Variants in BTG3 observed in about 807,000 individuals in gnomAD.
BTG3 encodes BTG anti-proliferation factor 3.
In BTG3, 4 loss-of-function variants were observed where a neutral mutation model predicts 25.8. The observed-to-expected ratio is 0.16, with a 90% CI of 0.08 to 0.36. The LOEUF is 0.36. BTG3 is among the 10% of genes least tolerant of loss of function. The probability of loss-of-function intolerance (pLI) is 1.00; values close to 1 mark genes in which losing one functional copy is unlikely to be tolerated. For missense variants in BTG3, 201 were observed against 304.9 expected (o/e 0.66, Z 2.54); for synonymous variants, 107 against 99.9 (o/e 1.07, Z -0.42).
In BTG3 at chr21:17,610,603, G is replaced by C. The variant is rs574987654; in HGVS notation, c.-8-1451C>G. Among the ~76,000 whole-genome samples the C allele has an allele frequency of 4.6e-5, 7 of 152,292 alleles. No individual in the cohort carries two copies. In the South Asian group the frequency reaches 1.5e-3, roughly 32 times the overall value. ...GATTAATCCTTAAGGGCAAACCCTT[G>C]TCCTAAGATTGTTTTGATGTATGTT... On this transcript the variant is annotated intron_variant, in intron 1 of 4. Coordinates refer to ENST00000348354, the MANE Select transcript of BTG3 (RefSeq NM_006806.5).
At chr21:17,608,923 C>A in intron 2 of BTG3, 49 bp downstream of exon 2, 2 of 1,563,270 alleles carry the variant, frequency 1.3e-6, no homozygotes, top group Non-Finnish European at 1.7e-6. Context: ...GGCCTTGAAC[C>A]CACCTCAGGG....
chr21:17,609,132 T>C lies in BTG3; in HGVS notation c.13A>G (p.Ile5Val). The C allele has an allele frequency of 6.2e-7, 1 of 1,604,924 alleles. No homozygotes were observed. Among genetic ancestry groups the C allele is most frequent in the Non-Finnish European group, 8.5e-7 (1 of 1,177,878 alleles). Reference protein sequence around the residue: MKNEIAAVVFFFTRL... With the variant: MKNEVAAVVFFFTRL... ...GTGAAAAAGAAGACAACGGCAGCAA[T>C]TTCATTCTTCATTTTTTTCCCTGCA... Residue 5 changes from isoleucine to valine, a missense_variant, in exon 2 of 5, where the codon ATT becomes GTT. This residue lies in a region of BTG3 where 70 missense variants were observed against 175.7 expected (regional missense o/e 0.40). Transcript: ENST00000348354.
chr21:17,594,811 A>G (rs142426334), intron 4 of BTG3, among the ~76,000 whole-genome samples: 2 of 152,066 alleles, frequency 1.3e-5, no homozygotes, highest in Non-Finnish European at 2.9e-5. Context: ...TATGAACACA[A>G]AGAAGGAAAC....
chr21:17,601,695 G>A (rs930198050), intron 3 of BTG3, among the ~76,000 whole-genome samples: 4 of 152,086 alleles, frequency 2.6e-5, no homozygotes, highest in African/African-American at 7.2e-5. Flanking sequence ...GACAATCAAG[G>A]GTTAATTCAT....
chr21:17,599,559 T>C (rs6517780), intron 3 of BTG3, among the ~76,000 whole-genome samples: 78,664 of 149,846 alleles, frequency 0.52, 22,923 homozygotes, highest in African/African-American at 0.8. Flanking sequence ...CCCACTACAA[T>C]CTCCACCTCC....
chr21:17,603,325 G>C (rs1013707230), intron 3 of BTG3, among the ~76,000 whole-genome samples: 3 of 152,124 alleles, frequency 2.0e-5, no homozygotes, highest in African/African-American at 7.2e-5. Flanking sequence ...CTAAATTTGA[G>C]ATAGCTTGCT....
At chr21:17,600,999 T>C (rs1377259298) in intron 3 of BTG3, among the ~76,000 whole-genome samples, 1 of 152,006 alleles carries the variant, frequency 6.6e-6, no homozygotes, top group Non-Finnish European at 1.5e-5. Flanking sequence ...CTGTCTCTAC[T>C]AAAAATACAA....
At chr21:17,602,932 T>C (rs2061592593) in intron 3 of BTG3, among the ~76,000 whole-genome samples, 1 of 152,228 alleles carries the variant, frequency 6.6e-6, no homozygotes. Flanking sequence ...AGGATCATTA[T>C]ATTGAACGTA....
At chr21:17,606,658 T>G (rs963655785) in intron 2 of BTG3, among the ~76,000 whole-genome samples, 2 of 152,160 alleles carry the variant, frequency 1.3e-5, no homozygotes, top group Non-Finnish European at 2.9e-5. Context: ...CAACAAAATC[T>G]GCATACCTTA....
At chr21:17,598,039 C>T (rs1044889365) in intron 4 of BTG3, among the ~76,000 whole-genome samples, 1 of 152,112 alleles carries the variant, frequency 6.6e-6, no homozygotes, top group East Asian at 1.9e-4. Context: ...TTGAAGAATG[C>T]TGTTTGGTCA....
chr21:17,603,560 T>C (rs2061600468), intron 3 of BTG3, among the ~76,000 whole-genome samples: 2 of 152,198 alleles, frequency 1.3e-5, no homozygotes, highest in Admixed American at 6.5e-5. Context: ...GCGACCACCT[T>C]AGGAGTACAT....
intron 4 of BTG3, among the ~76,000 whole-genome samples, chr21:17,598,086 G>A (rs2061526366): frequency 6.6e-6 from 1 of 152,162 alleles, no homozygotes; most frequent in African/African-American, 2.4e-5. Flanking sequence ...TCTTTGGTAT[G>A]TAGATATAAA....
intron 2 of BTG3, 132 bp from the exon 3 acceptor site, chr21:17,605,129 A>ATT (rs1569184984): frequency 9.8e-7 from 1 of 1,025,276 alleles, no homozygotes; most frequent in African/African-American, 1.6e-5. Flanking sequence ...ACCTAGGAGC[A>ATT]TATCTATCCT....
chr21:17,601,864 A>G (rs140136580), intron 3 of BTG3, among the ~76,000 whole-genome samples: 1 of 152,204 alleles, frequency 6.6e-6, no homozygotes, highest in Non-Finnish European at 1.5e-5. Context: ...TGATTGAAGG[A>G]TCAGCATTAT....
chr21:17,608,899 C>G (rs1218396735), intron 2 of BTG3, 73 bp downstream of exon 2: 2 of 1,449,308 alleles, frequency 1.4e-6, no homozygotes, highest in South Asian at 2.7e-5. Context: ...GGTCTGCACA[C>G]CCTTCAATCA....
At chr21:17,610,880 A>T (rs548703612) in intron 1 of BTG3, among the ~76,000 whole-genome samples, 1 of 152,302 alleles carries the variant, frequency 6.6e-6, no homozygotes, top group East Asian at 1.9e-4. Flanking sequence ...TGACTCCTTT[A>T]TTCCAAGTGC....
At position 17,609,097 on chromosome 21, in the gene BTG3, A is replaced by T. The variant is rs1438055875; in HGVS notation, c.48T>A (p.Val16=). 33 of 1,613,930 alleles carry T rather than the reference A, an allele frequency of 2.0e-5. No homozygotes were observed. The highest frequency in any genetic ancestry group is 2.7e-5 in the Non-Finnish European group (32 of 1,180,006). Residue 16 remains valine (V), a synonymous_variant, in exon 2 of 5, where the codon GTT becomes GTA. Coordinates refer to ENST00000348354, the MANE Select transcript of BTG3 (RefSeq NM_006806.5). The part of the protein sequence containing the change: ...AAVVFFFTRL[V]RKHDKLKKEA... The stretch of plus-strand genomic sequence containing the variant: ...CTTTTTTCAACTTATCATGTTTTCG[A>T]ACTAGCCTTGTGAAAAAGAAGACAA...
intron 3 of BTG3, among the ~76,000 whole-genome samples, chr21:17,599,706 C>T (rs2061548519): frequency 6.6e-6 from 1 of 152,144 alleles, no homozygotes; most frequent in Non-Finnish European, 1.5e-5. Context: ...TCTTGAACTC[C>T]TGACCTCAGG....
intron 2 of BTG3, among the ~76,000 whole-genome samples, chr21:17,608,393 A>G (rs1313742751): frequency 6.6e-6 from 1 of 151,918 alleles, no homozygotes; most frequent in Non-Finnish European, 1.5e-5. Flanking sequence ...AAACTCCCAG[A>G]AAAGCAAATC....
Sources: gnomAD v4.1 joint callset for allele counts (sites outside exome capture counted in the v4.1 genomes callset) on GRCh38, gnomAD v4.1.1 for gene constraint, gnomAD v4.1.1 regional missense constraint, MANE v1.5 for transcripts, NCBI Gene and HGNC (gene_info 2026-07-23, HGNC 2026-07-21) for gene names.